TLN2: variants seen among roughly 807,000 people sequenced by gnomAD.
TLN2 encodes the protein talin-2.
TLN2 carries 118 observed loss-of-function variants against 294.7 expected under a neutral mutation model. The ratio of observed to expected loss-of-function variants is 0.40; its 90% CI spans 0.34 to 0.47. The LOEUF (loss-of-function observed/expected upper bound fraction) is 0.47, where lower values mean the gene tolerates loss of function less well. Among genes scored for constraint, TLN2 ranks in the 20% least tolerant of loss-of-function variants. The pLI is 0.84. For synonymous variants in TLN2, 1,431 were observed against 1,304.5 expected (o/e 1.10, Z -2.09); for missense variants, 3,083 against 3,282.2 (o/e 0.94, Z 1.48).
chr15:62,724,817 A>T (rs2060348991), intron 26 of TLN2, among the ~76,000 whole-genome samples, 159 bp from the exon 27 acceptor site: 1 of 152,174 alleles, frequency 6.6e-6, no homozygotes, highest in Non-Finnish European at 1.5e-5. Context: ...ACTGAGGATG[A>T]TTTTGTTCTC....
intron 1 of TLN2, among the ~76,000 whole-genome samples, chr15:62,500,260 C>T (rs866563778): frequency 6.6e-6 from 1 of 152,144 alleles, no homozygotes; most frequent in Non-Finnish European, 1.5e-5. Context: ...ATTGCTTGAA[C>T]CCAGGAGATG....
chr15:62,790,795 A>T (rs992560057), intron 45 of TLN2, among the ~76,000 whole-genome samples: 2 of 152,240 alleles, frequency 1.3e-5, no homozygotes, highest in East Asian at 3.8e-4. Context: ...TCCCGCAAAC[A>T]CATATATTTA....
intron 49 of TLN2, 26 bp downstream of exon 49, chr15:62,800,519 G>C: frequency 6.2e-7 from 1 of 1,612,964 alleles, no homozygotes; most frequent in Non-Finnish European, 8.5e-7. Context: ...GACTGGGGAT[G>C]AGCACCTGAG....
At chr15:62,459,335 C>G (rs1049040054) in intron 1 of TLN2, among the ~76,000 whole-genome samples, 3 of 139,772 alleles carry the variant, frequency 2.1e-5, no homozygotes, top group Admixed American at 7.6e-5. Context: ...AAATGGAGAT[C>G]AGTTTGCTGC....
intron 1 of TLN2, among the ~76,000 whole-genome samples, chr15:62,512,652 A>G (rs906686289): frequency 1.3e-5 from 2 of 152,226 alleles, no homozygotes; most frequent in African/African-American, 2.4e-5. Context: ...TTAGTTTGAC[A>G]GACATAGAGC....
At chr15:62,554,584 G>A (rs898350048) in intron 1 of TLN2, among the ~76,000 whole-genome samples, 12 of 151,686 alleles carry the variant, frequency 7.9e-5, no homozygotes, top group Non-Finnish European at 1.3e-4. Flanking sequence ...AATTGTAAAG[G>A]TTTAGGATTA....
intron 3 of TLN2, among the ~76,000 whole-genome samples, chr15:62,640,861 G>C (rs2050987964): frequency 6.6e-6 from 1 of 152,048 alleles, no homozygotes. Flanking sequence ...GAGTGCAGTG[G>C]CGCGATCTTG....
intron 28 of TLN2, among the ~76,000 whole-genome samples, chr15:62,733,017 A>T (rs552936347): frequency 4.6e-5 from 7 of 152,330 alleles, no homozygotes; most frequent in African/African-American, 1.7e-4. Flanking sequence ...CAGATTTGAA[A>T]ATTATTGGTA....
chr15:62,676,363 G>A (rs1278376072), intron 11 of TLN2, among the ~76,000 whole-genome samples: 2 of 152,060 alleles, frequency 1.3e-5, no homozygotes, highest in African/African-American at 4.8e-5. Flanking sequence ...AAATCGCTGG[G>A]GCCTTTGCAA....
chr15:62,783,720 TC>T (rs768353830), intron 44 of TLN2, 50 bp from the exon 45 acceptor site: 2 of 571,106 alleles, frequency 3.5e-6, no homozygotes, highest in Non-Finnish European at 4.3e-6. Flanking sequence ...TGCGTTTCTC[TC>T]TGTGTGTGTG....
At position 62,796,144 on chromosome 15, in the gene TLN2, G is replaced by A. The variant is rs758944577; in HGVS notation, c.5901G>A (p.Ser1967=). 37 of 1,614,148 alleles carry A rather than the reference G, an allele frequency of 2.3e-5. No individual in the cohort carries two copies. The highest frequency in any genetic ancestry group is 2.5e-5 in the Non-Finnish European group (30 of 1,180,016). Residue 1967 remains serine (S), a synonymous_variant, in exon 47 of 59, where the codon TCG becomes TCA. Transcript: ENST00000636159. ...GCCTACAGGTCTCCTTGGTGCTCTC[G>A]GCTCTCCAGGCCGGGAACAAAGGAA... The part of the protein sequence containing the change: ...AVTEKVSLVL[S]ALQAGNKGTQ...
chr15:62,691,374 T>G (rs1029214045), intron 12 of TLN2, among the ~76,000 whole-genome samples: 2 of 152,200 alleles, frequency 1.3e-5, no homozygotes, highest in Non-Finnish European at 2.9e-5. Context: ...ACACTACTAT[T>G]TAGTCTATCC....
At chr15:62,602,582 C>A (rs1424783018) in intron 2 of TLN2, among the ~76,000 whole-genome samples, 2 of 152,192 alleles carry the variant, frequency 1.3e-5, no homozygotes, top group Non-Finnish European at 1.5e-5. Context: ...TTTCTCATAG[C>A]TCTGGAGGCT....
chr15:62,597,617 CCAGTGGCCAAGGA>C (rs1477490063), intron 2 of TLN2, among the ~76,000 whole-genome samples: 2 of 152,150 alleles, frequency 1.3e-5, no homozygotes, highest in African/African-American at 4.8e-5. Flanking sequence ...TCAGCAAATG[CCAGTGGCCAAGGA>C]AAGCTCGTGA....
chr15:62,722,861 C>T (rs1357738141), intron 26 of TLN2, among the ~76,000 whole-genome samples: 1 of 152,150 alleles, frequency 6.6e-6, no homozygotes, highest in African/African-American at 2.4e-5. Flanking sequence ...TCATATATTC[C>T]AGGTATCATT....
At chr15:62,643,340 C>T (rs1041759225) in intron 3 of TLN2, among the ~76,000 whole-genome samples, 2 of 150,294 alleles carry the variant, frequency 1.3e-5, no homozygotes, top group Non-Finnish European at 2.9e-5. Context: ...AGAAGGCAAC[C>T]CTGGGGCCTT....
At chr15:62,470,592 C>T (rs984722711) in intron 1 of TLN2, among the ~76,000 whole-genome samples, 1 of 152,224 alleles carries the variant, frequency 6.6e-6, no homozygotes, top group Admixed American at 6.5e-5. Context: ...CCCCCAGCAG[C>T]CCTAAGAGTG....
At chr15:62,835,464 C>T (rs745622924) in intron 55 of TLN2, 2 of 532,928 alleles carry the variant, frequency 3.8e-6, no homozygotes, top group South Asian at 4.5e-5. Flanking sequence ...TGAGCCGTTT[C>T]CCAGAATTGC....
chr15:62,537,127 C>T lies in TLN2; in HGVS notation c.-237-52560C>T, dbSNP rs550432089. Among the ~76,000 whole-genome samples the T allele has an allele frequency of 1.3e-3, 194 of 151,934 alleles. 3 individuals are homozygous for T. Among genetic ancestry groups the T allele is most frequent in the East Asian group, 9.9e-3 (51 of 5,154 alleles). On this transcript the variant is annotated intron_variant, in intron 1 of 58. Coordinates refer to ENST00000636159, the MANE Select transcript of TLN2 (RefSeq NM_015059.3). ...TCCGCCTCCTGGGTTCATGCCATTC[C>T]CCTGCCTCAGCCTCCCGAGTAGCTG...
Sources: gnomAD v4.1 joint callset for allele counts (sites outside exome capture counted in the v4.1 genomes callset) on GRCh38, gnomAD v4.1.1 for gene constraint, MANE v1.5 for transcripts, NCBI Gene and HGNC (gene_info 2026-07-23, HGNC 2026-07-21) for gene names.